Variants in SPG11 observed in about 807,000 individuals in gnomAD.
SPG11 encodes the protein SPG11 vesicle trafficking associated, spatacsin.
Under a neutral mutation model 274.0 loss-of-function variants are expected in SPG11, and 222 were observed. The observed-to-expected ratio is 0.81, with a 90% confidence interval of 0.73 to 0.91. The LOEUF (loss-of-function observed/expected upper bound fraction) is 0.91, where lower values mean the gene tolerates loss of function less well. Ranked by LOEUF, SPG11 falls within the 40% of genes least tolerant of loss-of-function variation. SPG11 has a pLI of 0.00. For synonymous variants in SPG11, 1,144 were observed against 1,039.7 expected (o/e 1.10, Z -1.93); for missense variants, 3,114 against 2,872.7 (o/e 1.08, Z -1.92).
At chr15:44,604,931 CAAAA>C (rs908048525) in intron 20 of SPG11, among the ~76,000 whole-genome samples, 6 of 22,498 alleles carry the variant, frequency 2.7e-4, no homozygotes, top group East Asian at 1.2e-3. Context: ...ACTCCATCTC[CAAAA>C]AAAAAAAAAA....
intron 27 of SPG11, 47 bp downstream of exon 27, chr15:44,592,284 C>T: frequency 8.4e-7 from 1 of 1,185,934 alleles, no homozygotes; most frequent in South Asian, 1.2e-5. Flanking sequence ...CCATGCATGC[C>T]AACCAAGTGC....
chr15:44,574,312 A>T (rs1226544054), intron 31 of SPG11, among the ~76,000 whole-genome samples: 1 of 152,170 alleles, frequency 6.6e-6, no homozygotes. Context: ...CCTGATTTTT[A>T]AAAATATTAT....
intron 20 of SPG11, among the ~76,000 whole-genome samples, chr15:44,602,969 T>C (rs1386930977): frequency 6.6e-6 from 1 of 152,178 alleles, no homozygotes; most frequent in Admixed American, 6.5e-5. Flanking sequence ...CAAAAGGTCA[T>C]TATGCAATAA....
intron 11 of SPG11, among the ~76,000 whole-genome samples, chr15:44,623,382 T>C (rs1324564659): frequency 6.6e-6 from 1 of 152,214 alleles, no homozygotes. Flanking sequence ...CAATCTGGTA[T>C]GCTGATTCAA....
chr15:44,621,726 G>C (rs377012364), intron 14 of SPG11, 33 bp downstream of exon 14: 3 of 1,589,602 alleles, frequency 1.9e-6, no homozygotes, highest in African/African-American at 1.3e-5. Context: ...TCCTCATTCA[G>C]TATGTTCATA....
chr15:44,638,379 G>T (rs2084339387), intron 7 of SPG11, among the ~76,000 whole-genome samples: 3 of 152,060 alleles, frequency 2.0e-5, no homozygotes, highest in African/African-American at 7.2e-5. Context: ...AGAATCGCTT[G>T]AACACAGGAG....
chr15:44,595,006 A>G (rs1375032581), intron 26 of SPG11, among the ~76,000 whole-genome samples: 1 of 152,116 alleles, frequency 6.6e-6, no homozygotes, highest in South Asian at 2.1e-4. Flanking sequence ...TAGTAGAGAC[A>G]GGGTTTCACC....
chr15:44,578,519 G>A (rs901029859), intron 30 of SPG11, among the ~76,000 whole-genome samples: 6 of 150,898 alleles, frequency 4.0e-5, no homozygotes, highest in Non-Finnish European at 7.4e-5. Flanking sequence ...GCCTCAGGGG[G>A]AAAAACTAGC....
chr15:44,598,118 G>A (rs1381397733), intron 23 of SPG11, 147 bp downstream of exon 23: 3 of 650,778 alleles, frequency 4.6e-6, no homozygotes, highest in Non-Finnish European at 8.4e-6. Flanking sequence ...TTCATTTACT[G>A]AGTATCTGCT....
At chr15:44,596,633 G>C (rs926319204) in intron 24 of SPG11, 151 bp downstream of exon 24, 17 of 535,148 alleles carry the variant, frequency 3.2e-5, no homozygotes, top group Non-Finnish European at 4.6e-5. Flanking sequence ...TGAAACAAAA[G>C]CCCATGTATC....
intron 8 of SPG11, among the ~76,000 whole-genome samples, chr15:44,629,603 T>C (rs1309692247): frequency 3.3e-5 from 5 of 152,252 alleles, no homozygotes; most frequent in African/African-American, 1.2e-4. Flanking sequence ...ATCACTGCTA[T>C]TACCCTTTTG....
In SPG11 at chr15:44,605,876, A is replaced by G; in HGVS notation, c.3520+149T>C. 3 of 710,940 alleles carry G rather than the reference A, an allele frequency of 4.2e-6. No homozygotes were observed. The South Asian group carries it at 4.7e-5, about 11-fold the overall frequency. 44.0% of individuals were successfully genotyped at this position (710,940 alleles called of 1,614,324 possible). On this transcript the variant is annotated intron_variant, in intron 20 of 39. Coordinates refer to ENST00000261866, the MANE Select transcript of SPG11 (RefSeq NM_025137.4). ...ACTTTTAACTCACAATATGTTTTCA[A>G]TTCTGTCTTTGCGAACTATTTTTCC...
Position 44,659,117 on chromosome 15 carries a change from C to T in SPG11, c.629G>A (p.Arg210Lys). Residue 210 changes from arginine to lysine, a missense_variant, in exon 3 of 40, where the codon AGA becomes AAA. Arg to Lys is a conservative substitution (Grantham distance 26). Coordinates refer to ENST00000261866, the MANE Select transcript of SPG11 (RefSeq NM_025137.4). ...VDMIIDTQLC[R>K]GILFVLSSLG... ...ACTACTCAAAACAAAAAGAATTCCT[C>T]TGCAGAGCTGCGTGTCAATAATCAT... The T allele has an allele frequency of 6.2e-7, 1 of 1,614,224 alleles. No homozygotes were observed. Among genetic ancestry groups the T allele is most frequent in the Non-Finnish European group, 8.5e-7 (1 of 1,180,044 alleles).
chr15:44,659,965 G>A (rs993452892), intron 2 of SPG11, among the ~76,000 whole-genome samples: 7 of 152,178 alleles, frequency 4.6e-5, no homozygotes, highest in African/African-American at 1.7e-4. Flanking sequence ...GAAGGCTGAG[G>A]TGGGACAATC....
intron 29 of SPG11, among the ~76,000 whole-genome samples, chr15:44,585,029 CTTGA>C (rs1455736473): frequency 6.6e-6 from 1 of 152,070 alleles, no homozygotes. Flanking sequence ...AAAAACAATT[CTTGA>C]TTGATCTCAT....
chr15:44,611,649 G>C (rs906764673), intron 17 of SPG11, among the ~76,000 whole-genome samples: 2 of 151,688 alleles, frequency 1.3e-5, no homozygotes, highest in Non-Finnish European at 2.9e-5. Context: ...AAAATAATCT[G>C]AAATAAGGAC....
At chr15:44,579,113 G>A (rs1595836592) in intron 30 of SPG11, among the ~76,000 whole-genome samples, 1 of 151,160 alleles carries the variant, frequency 6.6e-6, no homozygotes. Flanking sequence ...AGCTGAGATT[G>A]CACCACTGCA....
intron 1 of SPG11, among the ~76,000 whole-genome samples, chr15:44,662,494 C>T (rs769415093): frequency 2.0e-5 from 3 of 151,796 alleles, no homozygotes; most frequent in Non-Finnish European, 4.4e-5. Flanking sequence ...ACAGTGAGAC[C>T]TCATCTCTAC....
chr15:44,630,282 C>T (rs1323152942), intron 8 of SPG11, among the ~76,000 whole-genome samples: 4 of 152,164 alleles, frequency 2.6e-5, no homozygotes, highest in South Asian at 2.1e-4. Flanking sequence ...TTATGGGAAA[C>T]GGGTTTTCCC....
Sources: gnomAD v4.1 joint callset for allele counts (sites outside exome capture counted in the v4.1 genomes callset) on GRCh38, gnomAD v4.1.1 for gene constraint, MANE v1.5 for transcripts, NCBI Gene and HGNC (gene_info 2026-07-23, HGNC 2026-07-21) for gene names.